NUDCD1: variants seen among roughly 807,000 people sequenced by gnomAD.
NUDCD1 encodes the protein NudC domain containing 1, also known as nudC domain-containing protein 1.
NUDCD1 carries 60 observed loss-of-function variants against 67.8 expected under a neutral mutation model. The ratio of observed to expected loss-of-function variants is 0.88; its 90% CI spans 0.72 to 1.10. The LOEUF (loss-of-function observed/expected upper bound fraction) is 1.10, where lower values mean the gene tolerates loss of function less well. Among genes scored for constraint, NUDCD1 ranks in the 50% least tolerant of loss-of-function variants. The pLI is 0.00. For synonymous variants in NUDCD1, 244 were observed against 230.8 expected (o/e 1.06, Z -0.52); for missense variants, 643 against 695.0 (o/e 0.93, Z 0.84).
chr8:109,257,086 G>C (rs1383063761), intron 8 of NUDCD1, among the ~76,000 whole-genome samples: 1 of 152,010 alleles, frequency 6.6e-6, no homozygotes. Context: ...CCTAAGATTA[G>C]GAACAGGACA....
At chr8:109,272,103 A>G (rs891864148) in intron 7 of NUDCD1, among the ~76,000 whole-genome samples, 18 of 152,250 alleles carry the variant, frequency 1.2e-4, no homozygotes, top group African/African-American at 4.1e-4. Context: ...AACACAAAGG[A>G]ATGCAGAATA....
intron 5 of NUDCD1, among the ~76,000 whole-genome samples, chr8:109,282,222 C>T (rs141700069): frequency 3.2e-4 from 49 of 152,254 alleles, no homozygotes; most frequent in African/African-American, 1.2e-3. Flanking sequence ...CTGTGCAATC[C>T]AAGAATCAGC....
intron 2 of NUDCD1, among the ~76,000 whole-genome samples, chr8:109,320,037 T>C (rs1815496266): frequency 6.6e-6 from 1 of 152,202 alleles, no homozygotes; most frequent in African/African-American, 2.4e-5. Flanking sequence ...AGACATCAAG[T>C]AGTTTACAAG....
chr8:109,290,048 A>G (rs1351423148), intron 4 of NUDCD1, 115 bp from the exon 5 acceptor site: 1 of 525,136 alleles, frequency 1.9e-6, no homozygotes, highest in Admixed American at 3.9e-5. Context: ...TATTATTAAA[A>G]GGTACACTAT....
intron 2 of NUDCD1, chr8:109,313,766 T>C: frequency 1.9e-6 from 1 of 533,792 alleles, no homozygotes; most frequent in Non-Finnish European, 3.3e-6. Context: ...TACACAATTA[T>C]GAGCATTTTA....
At chr8:109,331,773 T>C (rs972629325) in intron 1 of NUDCD1, among the ~76,000 whole-genome samples, 2 of 152,222 alleles carry the variant, frequency 1.3e-5, no homozygotes, top group African/African-American at 4.8e-5. Context: ...CATCTCCACC[T>C]AGTAAACAGA....
At chr8:109,256,915 A>G (rs1247814536) in intron 8 of NUDCD1, among the ~76,000 whole-genome samples, 1 of 152,122 alleles carries the variant, frequency 6.6e-6, no homozygotes, top group Non-Finnish European at 1.5e-5. Context: ...ATTCCAAATT[A>G]CAGGAGATTA....
rs185889799 is a variant in NUDCD1, at chr8:109,333,232, T to C, written c.118+661A>G. Among the ~76,000 whole-genome samples, 192 of 152,332 alleles carry C rather than the reference T, an allele frequency of 1.3e-3. 2 individuals carry two copies. In the South Asian group the frequency reaches 0.017, roughly 13 times the overall value. ...TCAGAATCAGCAGGGGTGTGAATTT[T>C]AAAATGCAGATCTCTGGGCTCTATC... On this transcript the variant is annotated intron_variant, in intron 1 of 9. Transcript: ENST00000239690.
chr8:109,298,289 G>C (rs183364632), intron 2 of NUDCD1, among the ~76,000 whole-genome samples: 5 of 152,218 alleles, frequency 3.3e-5, no homozygotes, highest in Non-Finnish European at 7.4e-5. Flanking sequence ...GTTTTACAGA[G>C]AGAACAGAGA....
rs757626066 is a variant in NUDCD1, at chr8:109,334,020, G to C, written c.-10C>G. 1.2e-6 allele frequency: 2 copies of C among 1,614,108 alleles called. No individual in the cohort carries two copies. The highest frequency in any genetic ancestry group is 1.7e-6 in the Non-Finnish European group (2 of 1,179,994). The stretch of plus-strand genomic sequence containing the variant: ...TAGCCGCCACCTCCATCGCTTTCCA[G>C]GGCCGCAGCGTGAGAATTAATAAAG... On this transcript the variant is annotated 5_prime_UTR_variant, in exon 1 of 10. Coordinates refer to ENST00000239690, the MANE Select transcript of NUDCD1 (RefSeq NM_032869.4).
At chr8:109,281,369 C>T (rs113898115) in intron 5 of NUDCD1, among the ~76,000 whole-genome samples, 197 bp from the exon 6 acceptor site, 3,148 of 152,194 alleles carry the variant, frequency 0.021, 110 homozygotes, top group African/African-American at 0.072. Context: ...TTTTCCTCTT[C>T]CAGACTTACC....
intron 6 of NUDCD1, among the ~76,000 whole-genome samples, chr8:109,276,586 T>C (rs1326106577): frequency 6.6e-6 from 1 of 152,210 alleles, no homozygotes; most frequent in African/African-American, 2.4e-5. Flanking sequence ...TAAGAGACTA[T>C]ACAAAATAAT....
chr8:109,291,978 T>G (rs555943226), intron 4 of NUDCD1, among the ~76,000 whole-genome samples: 1 of 152,274 alleles, frequency 6.6e-6, no homozygotes, highest in East Asian at 1.9e-4. Context: ...AAAGCAGGGG[T>G]TCTGCAAACT....
At chr8:109,293,586 G>A in intron 3 of NUDCD1, 62 bp from the exon 4 acceptor site, 4 of 853,280 alleles carry the variant, frequency 4.7e-6, no homozygotes, top group African/African-American at 1.8e-5. Context: ...AGATAGCATA[G>A]AGGGAATATA....
intron 2 of NUDCD1, chr8:109,315,380 C>G (rs1052207536): frequency 2.6e-5 from 4 of 152,132 alleles, no homozygotes; most frequent in African/African-American, 9.7e-5. Context: ...CAATTGCTTT[C>G]CCTGAAATTT....
At chr8:109,324,221 A>G (rs1219915605) in intron 1 of NUDCD1, among the ~76,000 whole-genome samples, 1 of 151,820 alleles carries the variant, frequency 6.6e-6, no homozygotes, top group Non-Finnish European at 1.5e-5. Context: ...AAAAAGTCCC[A>G]TTATAAAGAG....
Position 109,333,936 on chromosome 8 carries a change from G to T in NUDCD1, c.75C>A (p.Leu25=). 6.2e-7 allele frequency: 1 copy of T among 1,614,192 alleles called. No homozygotes were observed. The highest frequency in any genetic ancestry group is 1.1e-5 in the South Asian group (1 of 91,080). ...GGTAACAAGGCAGCGGCTCAAGAGA[G>T]AGCTTGTAACCCTCGAAGCGGGGAT... ...LLDPRFEGYK[L]SLEPLPCYQL... is the part of the protein sequence containing the mutation. The change falls in exon 1 of 10, where the codon CTC becomes CTA. Residue 25 remains leucine (L), a synonymous_variant. Coordinates refer to ENST00000239690, the MANE Select transcript of NUDCD1 (RefSeq NM_032869.4).
intron 1 of NUDCD1, among the ~76,000 whole-genome samples, chr8:109,326,412 G>A (rs141005196): frequency 4.1e-4 from 63 of 152,272 alleles, no homozygotes; most frequent in African/African-American, 1.4e-3. Context: ...GCAACTGAAA[G>A]TAGAAAAGCA....
At chr8:109,324,083 A>C (rs942905627) in intron 1 of NUDCD1, among the ~76,000 whole-genome samples, 34 of 152,158 alleles carry the variant, frequency 2.2e-4, no homozygotes, top group Middle Eastern at 3.2e-3. Context: ...ACAACAACAA[A>C]AATACCTTCT....
Sources: allele counts gnomAD v4.1 joint callset (sites outside exome capture counted in the v4.1 genomes callset), GRCh38; gene constraint gnomAD v4.1.1; transcripts MANE v1.5; gene names NCBI Gene and HGNC (gene_info 2026-07-23, HGNC 2026-07-21).